ICOS: variants seen among roughly 807,000 people sequenced by gnomAD.
ICOS encodes inducible T-cell costimulator.
Under a neutral mutation model 24.6 loss-of-function variants are expected in ICOS, and 15 were observed. The ratio of observed to expected loss-of-function variants is 0.61; its 90% CI spans 0.41 to 0.94. ICOS has a LOEUF of 0.94. Ranked by LOEUF, ICOS falls within the 40% of genes least tolerant of loss-of-function variation. The pLI, the probability that ICOS is intolerant of heterozygous loss-of-function variation, is 0.00. For synonymous variants in ICOS, 89 were observed against 77.5 expected, an observed-to-expected ratio of 1.15 and a Z score of -0.78; for missense variants, 200 against 233.0, an observed-to-expected ratio of 0.86 and a Z score of 0.92.
intron 1 of ICOS, among the ~76,000 whole-genome samples, chr2:203,941,297 CAAA>C (rs1325529676): frequency 4.6e-5 from 7 of 152,052 alleles, no homozygotes; most frequent in Non-Finnish European, 7.4e-5. Flanking sequence ...CATTTGTGAA[CAAA>C]ATGGCTTTCA....
chr2:203,937,500 A>T (rs1173549761), intron 1 of ICOS, among the ~76,000 whole-genome samples: 1 of 152,214 alleles, frequency 6.6e-6, no homozygotes, highest in African/African-American at 2.4e-5. Context: ...GGCATATAGC[A>T]GACTCTATAT....
intron 1 of ICOS, among the ~76,000 whole-genome samples, chr2:203,946,672 T>C (rs1033698978): frequency 6.6e-6 from 1 of 152,182 alleles, no homozygotes; most frequent in African/African-American, 2.4e-5. Context: ...GTACTTTTTT[T>C]TTTAATGCCA....
In ICOS at chr2:203,959,811, C is replaced by A. The variant is rs1412120514; in HGVS notation, c.*212C>A. ...CTGCCGAGTCCTCTCAAAACAAACA[C>A]CCTCTTGCAACCAGCTTTGGAGAAA... On this transcript the variant is annotated 3_prime_UTR_variant, in exon 5 of 5. Coordinates refer to ENST00000316386, the MANE Select transcript of ICOS (RefSeq NM_012092.4). The A allele has an allele frequency of 3.2e-6, 2 of 627,848 alleles. No homozygotes were observed. Among genetic ancestry groups the A allele is most frequent in the Admixed American group, 2.4e-5 (1 of 42,550 alleles). The allele number at this position is 627,848 out of a possible 1,614,324, so 38.9% of individuals were successfully genotyped here. A position where few individuals can be genotyped will look rare whatever the true frequency, so the allele number is the denominator to read the frequency against.
At chr2:203,937,830 A>T (rs1188884057) in intron 1 of ICOS, among the ~76,000 whole-genome samples, 1 of 152,202 alleles carries the variant, frequency 6.6e-6, no homozygotes, top group African/African-American at 2.4e-5. Context: ...GCTGGCTCAA[A>T]GTGAGTTAAG....
At chr2:203,948,475 T>A (rs2105749375) in intron 1 of ICOS, among the ~76,000 whole-genome samples, 1 of 152,304 alleles carries the variant, frequency 6.6e-6, no homozygotes, top group East Asian at 1.9e-4. Flanking sequence ...AATGTCACCG[T>A]CTATATATTC....
intron 3 of ICOS, among the ~76,000 whole-genome samples, chr2:203,957,180 A>G (rs915293566): frequency 3.3e-5 from 5 of 152,222 alleles, no homozygotes; most frequent in East Asian, 1.9e-4. Flanking sequence ...ACAATTAGTT[A>G]TAAGTTTTGC....
intron 1 of ICOS, among the ~76,000 whole-genome samples, chr2:203,940,532 A>G (rs774433978): frequency 2.6e-5 from 4 of 151,952 alleles, no homozygotes; most frequent in Non-Finnish European, 5.9e-5. Flanking sequence ...TGAGTGACTG[A>G]TATCTTTCCT....
chr2:203,956,002 A>G (rs1218881578), intron 2 of ICOS, 31 bp downstream of exon 2: 1 of 1,480,026 alleles, frequency 6.8e-7, no homozygotes, highest in Non-Finnish European at 9.4e-7. Flanking sequence ...TCCAAACTTA[A>G]GAGTATATAT....
intron 3 of ICOS, 29 bp from the exon 4 acceptor site, chr2:203,957,770 C>T: frequency 6.6e-7 from 1 of 1,506,240 alleles, no homozygotes; most frequent in East Asian, 2.3e-5. Flanking sequence ...GAAAAGATGA[C>T]CAAGCATGTT....
chr2:203,952,648 A>G (rs1229465739), intron 1 of ICOS, among the ~76,000 whole-genome samples: 1 of 152,094 alleles, frequency 6.6e-6, no homozygotes, highest in African/African-American at 2.4e-5. Context: ...TATATATTAA[A>G]CTTATCTATT....
intron 2 of ICOS, 148 bp from the exon 3 acceptor site, chr2:203,956,511 G>A (rs1255023303): frequency 5.9e-6 from 4 of 675,326 alleles, no homozygotes; most frequent in African/African-American, 5.4e-5. Flanking sequence ...ATACTGAGAT[G>A]ATGTTAGTCT....
intron 4 of ICOS, 45 bp downstream of exon 4, chr2:203,957,928 CA>C: frequency 6.0e-6 from 7 of 1,171,780 alleles, no homozygotes; most frequent in Non-Finnish European, 7.7e-6. Flanking sequence ...GGTTTCTTCA[CA>C]GTAAGCCTGG....
intron 1 of ICOS, among the ~76,000 whole-genome samples, chr2:203,940,759 C>A (rs1476081536): frequency 2.6e-5 from 4 of 151,482 alleles, no homozygotes; most frequent in Non-Finnish European, 5.9e-5. Context: ...GTAACTCTCT[C>A]CCTCTGTTTC....
chr2:203,945,378 T>G (rs1423918094), intron 1 of ICOS, among the ~76,000 whole-genome samples: 1 of 152,218 alleles, frequency 6.6e-6, no homozygotes, highest in Admixed American at 6.5e-5. Flanking sequence ...AGGAAGACTC[T>G]GAGGTTCCTA....
chr2:203,955,710 C>T lies in ICOS; in HGVS notation c.133C>T (p.Pro45Ser). The T allele has an allele frequency of 6.2e-7, 1 of 1,613,608 alleles. No homozygotes were observed. The highest frequency in any genetic ancestry group is 2.2e-5 in the East Asian group (1 of 44,858). Residue 45 changes from proline to serine, a missense_variant, in exon 2 of 5, where the codon CCT becomes TCT. Coordinates refer to ENST00000316386, the MANE Select transcript of ICOS (RefSeq NM_012092.4). ...NGGVQILCKY[P>S]DIVQQFKMQL... Reference sequence around the variant, plus strand: ...AGGTGTACAAATTTTATGCAAATATCCTGACATTGTCCAGCAATTTAAAAT... The same window carrying T: ...AGGTGTACAAATTTTATGCAAATATTCTGACATTGTCCAGCAATTTAAAAT...
At chr2:203,945,314 T>G (rs1176840021) in intron 1 of ICOS, among the ~76,000 whole-genome samples, 3 of 152,036 alleles carry the variant, frequency 2.0e-5, no homozygotes, top group South Asian at 4.2e-4. Context: ...TGAGCTGGAG[T>G]CAACTGGACT....
At chr2:203,956,895 A>G (rs758531050) in intron 3 of ICOS, 130 bp downstream of exon 3, 30 of 687,290 alleles carry the variant, frequency 4.4e-5, no homozygotes, top group Admixed American at 8.4e-5. Flanking sequence ...TCCCCCCAAG[A>G]CATACCTACT....
At chr2:203,939,023 G>T (rs1689716718) in intron 1 of ICOS, among the ~76,000 whole-genome samples, 1 of 152,166 alleles carries the variant, frequency 6.6e-6, no homozygotes, top group Admixed American at 6.5e-5. Flanking sequence ...GTACTTGCTT[G>T]TCCTCTGTTG....
intron 4 of ICOS, 127 bp downstream of exon 4, chr2:203,958,010 T>C: frequency 1.6e-6 from 1 of 638,960 alleles, no homozygotes; most frequent in Non-Finnish European, 2.8e-6. Context: ...TAGAATTTTC[T>C]GTGAAAATCT....
Sources: allele counts gnomAD v4.1 joint callset (sites outside exome capture counted in the v4.1 genomes callset), GRCh38; gene constraint gnomAD v4.1.1; transcripts MANE v1.5; gene names NCBI Gene and HGNC (gene_info 2026-07-23, HGNC 2026-07-21).